The following GAREM1 variants were observed in gnomAD, a reference collection of about 807,000 sequenced individuals.
GAREM1 encodes the protein GRB2-associated and regulator of MAPK protein 1.
In GAREM1, 26 loss-of-function variants were observed where a neutral mutation model predicts 71.3. That is an observed-to-expected ratio of 0.36 (90% confidence interval 0.27 to 0.51). GAREM1 has a LOEUF of 0.51. GAREM1 is among the 20% of genes least tolerant of loss of function. The pLI is 0.95. For missense variants in GAREM1, 1,026 were observed against 1,103.1 expected, an observed-to-expected ratio of 0.93 and a Z score of 0.99; for synonymous variants, 440 against 433.2, an observed-to-expected ratio of 1.02 and a Z score of -0.20.
At chr18:32,357,001 A>T (rs1196670469) in intron 2 of GAREM1, among the ~76,000 whole-genome samples, 3 of 152,160 alleles carry the variant, frequency 2.0e-5, no homozygotes, top group Non-Finnish European at 1.5e-5. Flanking sequence ...CAGCCTTCGT[A>T]GCACAATCCC....
chr18:32,470,539 G>A lies in GAREM1; in HGVS notation c.-111C>T, dbSNP rs984849471. The stretch of plus-strand genomic sequence containing the variant: ...CGGTCTGGGGCGCGCGGGAGGCGCC[G>A]GGCAGCTCCGGCCGCGGGCAGCCGG... On this transcript the variant is annotated 5_prime_UTR_variant, in exon 1 of 6. Coordinates refer to ENST00000269209, the MANE Select transcript of GAREM1 (RefSeq NM_001242409.2). This position sits in a 1 kb window ranked among gnomAD's most constrained non-coding sequence, Gnocchi z 4.4. 1.3e-6 allele frequency: 1 copy of A among 778,234 alleles called. No homozygotes were observed. The highest frequency in any genetic ancestry group is 1.6e-6 in the Non-Finnish European group (1 of 642,626). The allele number at this position is 778,234 out of a possible 1,614,324, so 48.2% of individuals were successfully genotyped here. A position where few individuals can be genotyped will look rare whatever the true frequency, so the allele number is the denominator to read the frequency against.
intron 2 of GAREM1, among the ~76,000 whole-genome samples, chr18:32,375,468 A>G (rs2048022824): frequency 6.6e-6 from 1 of 151,958 alleles, no homozygotes; most frequent in African/African-American, 2.4e-5. Flanking sequence ...GACCAATTAA[A>G]CTGAGTCCAA....
chr18:32,281,335 G>C (rs1244660086), intron 4 of GAREM1, among the ~76,000 whole-genome samples: 1 of 151,874 alleles, frequency 6.6e-6, no homozygotes, highest in Admixed American at 6.6e-5. Context: ...CACCTACTAG[G>C]CTAGGCCCAT....
rs202060760 is a variant in GAREM1, at chr18:32,445,325, C to CA, written c.121+24982dup. Among the ~76,000 whole-genome samples the CA allele has an allele frequency of 2.8e-3, 413 of 149,816 alleles. 2 individuals carry two copies. The highest frequency in any genetic ancestry group is 8.9e-3 in the South Asian group (42 of 4,724). On this transcript the variant is annotated intron_variant, in intron 1 of 5. Transcript: ENST00000269209. ...GCTTTCACTAAACCCCCCGCCCCTG[C>CA]AAAAAAAAGGCTAAAGAGCTATTAT...
intron 1 of GAREM1, among the ~76,000 whole-genome samples, chr18:32,418,866 G>A (rs557343234): frequency 6.6e-6 from 1 of 152,284 alleles, no homozygotes; most frequent in African/African-American, 2.4e-5. Context: ...TGAAGAGAAG[G>A]ATAACGTGTT....
chr18:32,332,976 G>A (rs1410228762), intron 2 of GAREM1, among the ~76,000 whole-genome samples: 3 of 150,470 alleles, frequency 2.0e-5, no homozygotes, highest in Non-Finnish European at 4.4e-5. Context: ...GGAGGGTGCC[G>A]TTAGGGGAGA....
intron 1 of GAREM1, among the ~76,000 whole-genome samples, chr18:32,432,822 C>A (rs2048636898): frequency 6.6e-6 from 1 of 151,828 alleles, no homozygotes; most frequent in South Asian, 2.1e-4. Flanking sequence ...AAGAGAAATC[C>A]CAAAGCCAAG....
At chr18:32,416,061 C>T (rs554053542) in intron 1 of GAREM1, among the ~76,000 whole-genome samples, 2 of 152,170 alleles carry the variant, frequency 1.3e-5, no homozygotes, top group South Asian at 4.2e-4. Context: ...AAATCAATGG[C>T]ATTTCTATAT....
intron 2 of GAREM1, among the ~76,000 whole-genome samples, chr18:32,317,313 A>G (rs687850): frequency 0.27 from 40,365 of 151,072 alleles, 6,530 homozygotes; most frequent in African/African-American, 0.45. Context: ...GCTGAGGCAG[A>G]AGAATTGCTT....
chr18:32,360,115 A>T (rs2047851630), intron 2 of GAREM1, among the ~76,000 whole-genome samples: 1 of 151,590 alleles, frequency 6.6e-6, no homozygotes, highest in Non-Finnish European at 1.5e-5. Context: ...CTCCTTTTGA[A>T]AATTTTGACT....
At chr18:32,292,470 C>T (rs2047097026) in intron 3 of GAREM1, among the ~76,000 whole-genome samples, 1 of 152,098 alleles carries the variant, frequency 6.6e-6, no homozygotes, top group South Asian at 2.1e-4. Flanking sequence ...CTTTGGAATG[C>T]TGTCTGATAT....
chr18:32,463,770 C>T (rs1405248941), intron 1 of GAREM1, among the ~76,000 whole-genome samples: 6 of 151,750 alleles, frequency 4.0e-5, no homozygotes, highest in Middle Eastern at 3.4e-3. Context: ...AGGGTTTCAC[C>T]GTGTTAGCCT....
At chr18:32,286,832 G>T (rs182441762) in intron 4 of GAREM1, among the ~76,000 whole-genome samples, 199 bp downstream of exon 4, 75 of 152,258 alleles carry the variant, frequency 4.9e-4, no homozygotes, top group African/African-American at 1.7e-3. Flanking sequence ...TCTCCAAGAG[G>T]TTCTCATCAG....
intron 2 of GAREM1, among the ~76,000 whole-genome samples, chr18:32,385,539 C>T (rs1319163297): frequency 6.6e-6 from 1 of 152,076 alleles, no homozygotes; most frequent in East Asian, 1.9e-4. Flanking sequence ...CACCTGTATG[C>T]AGATGACTTG....
At chr18:32,373,035 G>A (rs1038223902) in intron 2 of GAREM1, among the ~76,000 whole-genome samples, 2 of 152,132 alleles carry the variant, frequency 1.3e-5, no homozygotes, top group African/African-American at 4.8e-5. Flanking sequence ...GAACATGTTT[G>A]ACAATGCTTT....
intron 1 of GAREM1, among the ~76,000 whole-genome samples, chr18:32,433,447 C>CAA (rs564764057): frequency 8.9e-6 from 1 of 112,594 alleles, no homozygotes; most frequent in Middle Eastern, 4.4e-3. Flanking sequence ...CAATTAAGGA[C>CAA]AAAAAAAAAA....
chr18:32,373,141 T>A (rs1415651516), intron 2 of GAREM1, among the ~76,000 whole-genome samples: 2 of 152,238 alleles, frequency 1.3e-5, no homozygotes, highest in African/African-American at 4.8e-5. Context: ...TCTAATTTTT[T>A]ATTTTTAAAT....
rs944228624 is a variant in GAREM1, at chr18:32,403,018, AG to A, written c.122-9984del. ...CTGCAACCTCTGCCTCCCAGGTTCAAGTGATTCTCGTGCCTCAGCCTCCTGA... is the reference window on the plus strand; with the variant it reads ...CTGCAACCTCTGCCTCCCAGGTTCAATGATTCTCGTGCCTCAGCCTCCTGA... On this transcript the variant is annotated intron_variant, in intron 1 of 5. Coordinates refer to ENST00000269209, the MANE Select transcript of GAREM1 (RefSeq NM_001242409.2). Among the ~76,000 whole-genome samples, 10 of 152,172 alleles carry A rather than the reference AG, an allele frequency of 6.6e-5. No individual in the cohort carries two copies. In the East Asian group the frequency reaches 1.7e-3, roughly 27 times the overall value.
chr18:32,451,528 C>T (rs1329496874), intron 1 of GAREM1, among the ~76,000 whole-genome samples: 1 of 152,144 alleles, frequency 6.6e-6, no homozygotes, highest in Non-Finnish European at 1.5e-5. Flanking sequence ...CCCTCTTCCT[C>T]ATATTCCATT....
Sources: gnomAD v4.1 joint callset for allele counts (sites outside exome capture counted in the v4.1 genomes callset) on GRCh38, gnomAD v4.1.1 for gene constraint, Gnocchi (gnomAD v3.1) non-coding constraint, MANE v1.5 for transcripts, NCBI Gene and HGNC (gene_info 2026-07-23, HGNC 2026-07-21) for gene names.